Variants in TRIM44 observed in about 807,000 individuals in gnomAD.
TRIM44 encodes tripartite motif-containing protein 44.
In TRIM44, 13 loss-of-function variants were observed where a neutral mutation model predicts 37.4. The ratio of observed to expected loss-of-function variants is 0.35; its 90% confidence interval spans 0.23 to 0.55. TRIM44 has a LOEUF of 0.55. TRIM44 is among the 20% of genes least tolerant of loss of function. The pLI is 0.89. For synonymous variants in TRIM44, 175 were observed against 157.2 expected, an observed-to-expected ratio of 1.11 and a Z score of -0.85; for missense variants, 426 against 437.2, an observed-to-expected ratio of 0.97 and a Z score of 0.23.
At chr11:35,673,450 A>G (rs1184330275) in intron 1 of TRIM44, among the ~76,000 whole-genome samples, 1 of 152,242 alleles carries the variant, frequency 6.6e-6, no homozygotes, top group Admixed American at 6.5e-5. Flanking sequence ...GCATTGTTCT[A>G]GCAATTGAAT....
chr11:35,664,566 C>A (rs1397675746), intron 1 of TRIM44, among the ~76,000 whole-genome samples: 1 of 152,168 alleles, frequency 6.6e-6, no homozygotes, highest in Non-Finnish European at 1.5e-5. Context: ...ATTAAGTAAT[C>A]TGTATTAGTG....
chr11:35,733,789 C>A (rs1852296007), intron 3 of TRIM44, among the ~76,000 whole-genome samples: 1 of 152,160 alleles, frequency 6.6e-6, no homozygotes, highest in South Asian at 2.1e-4. Flanking sequence ...TATACCACCC[C>A]CAGCGCCCTG....
chr11:35,805,529 C>A (rs759294315), intron 4 of TRIM44, among the ~76,000 whole-genome samples: 7 of 152,218 alleles, frequency 4.6e-5, no homozygotes, highest in African/African-American at 7.2e-5. Context: ...TCACTAACAT[C>A]TGGAATAACC....
At chr11:35,729,212 ACAT>A (rs1041856946) in intron 3 of TRIM44, among the ~76,000 whole-genome samples, 33 of 152,296 alleles carry the variant, frequency 2.2e-4, no homozygotes, top group African/African-American at 7.9e-4. Flanking sequence ...CTGGAAGCAA[ACAT>A]CATGAAAAAA....
At chr11:35,668,415 G>C (rs564250138) in intron 1 of TRIM44, among the ~76,000 whole-genome samples, 1 of 152,164 alleles carries the variant, frequency 6.6e-6, no homozygotes, top group South Asian at 2.1e-4. Context: ...CCCACAATGT[G>C]TTCATATGTT....
chr11:35,714,838 G>A (rs117398456), intron 2 of TRIM44, among the ~76,000 whole-genome samples: 147 of 152,250 alleles, frequency 9.7e-4, no homozygotes, highest in Middle Eastern at 3.4e-3. Context: ...TTATGCATAG[G>A]CTAAGGTGTT....
In TRIM44 at chr11:35,813,370, G is replaced by A. The variant is rs913188889; in HGVS notation, c.*6985G>A. ...TGAGAATTAAGAAGTAAGCAAACAA[G>A]GCTTCCAACCAATTGAAATAAATAC... On this transcript the variant is annotated 3_prime_UTR_variant, in exon 5 of 5. Coordinates refer to ENST00000299413, the MANE Select transcript of TRIM44 (RefSeq NM_017583.6). 1.8e-4 allele frequency: 28 copies of A among 152,104 alleles called. No individual in the cohort carries two copies. The highest frequency in any genetic ancestry group is 4.6e-4 in the African/African-American group (19 of 41,422). 9.4% of individuals were successfully genotyped at this position (152,104 alleles called of 1,614,324 possible).
chr11:35,714,324 C>T (rs1029284066), intron 2 of TRIM44, among the ~76,000 whole-genome samples: 1 of 152,104 alleles, frequency 6.6e-6, no homozygotes. Flanking sequence ...AGAAAAATAT[C>T]TATGAGAATG....
intron 4 of TRIM44, among the ~76,000 whole-genome samples, chr11:35,797,586 TA>T (rs1339025712): frequency 6.6e-6 from 1 of 152,234 alleles, no homozygotes; most frequent in African/African-American, 2.4e-5. Flanking sequence ...TGATATGATG[TA>T]ATGATAATGG....
At chr11:35,711,355 C>T (rs1851969222) in intron 2 of TRIM44, among the ~76,000 whole-genome samples, 2 of 152,026 alleles carry the variant, frequency 1.3e-5, no homozygotes, top group South Asian at 4.1e-4. Context: ...TGGCCTCTGA[C>T]AGGAGGAGGC....
At chr11:35,703,238 TAAACA>T (rs1851820684) in intron 2 of TRIM44, among the ~76,000 whole-genome samples, 1 of 151,946 alleles carries the variant, frequency 6.6e-6, no homozygotes, top group Non-Finnish European at 1.5e-5. Flanking sequence ...CTTGGTTAGG[TAAACA>T]AAGCAGCCGG....
chr11:35,742,866 TTGAA>T (rs1313134612), intron 4 of TRIM44, among the ~76,000 whole-genome samples: 1 of 148,426 alleles, frequency 6.7e-6, no homozygotes, highest in African/African-American at 2.5e-5. Flanking sequence ...TATTTCTAAT[TTGAA>T]TGAAAAAACT....
rs1262543352 is a variant in TRIM44 at position 35,808,759 on chromosome 11, C to A, written c.*2374C>A. 6.6e-6 allele frequency: 1 copy of A among 152,250 alleles called. No homozygotes were observed. Among genetic ancestry groups the A allele is most frequent in the African/African-American group, 2.4e-5 (1 of 41,460 alleles). 9.4% of individuals were successfully genotyped at this position (152,250 alleles called of 1,614,324 possible). A position where few individuals can be genotyped will look rare whatever the true frequency, so the allele number is the denominator to read the frequency against. ...GGAAGCATTAAACACAGTGCAGCAG[C>A]TTTTGCCCAGGCTTCTAAGTTCCTG... On this transcript the variant is annotated 3_prime_UTR_variant, in exon 5 of 5. Coordinates refer to ENST00000299413, the MANE Select transcript of TRIM44 (RefSeq NM_017583.6).
chr11:35,686,128 T>C (rs1171957794), intron 2 of TRIM44, among the ~76,000 whole-genome samples: 1 of 151,026 alleles, frequency 6.6e-6, no homozygotes, highest in Non-Finnish European at 1.5e-5. Flanking sequence ...GGTTTAAGTG[T>C]CCCGGCTTTT....
At position 35,663,486 on chromosome 11, in the gene TRIM44, TGAA is replaced by T; in HGVS notation, c.381_383del (p.Glu127del). The T allele has an allele frequency of 1.3e-6, 2 of 1,570,014 alleles. No individual in the cohort carries two copies. The highest frequency in any genetic ancestry group is 1.7e-6 in the Non-Finnish European group (2 of 1,157,566). On this transcript the variant is annotated inframe_deletion, in exon 1 of 5. Coordinates refer to ENST00000299413, the MANE Select transcript of TRIM44 (RefSeq NM_017583.6). Reference sequence around the variant, plus strand: ...GTGAGGATGAGAGCGATGAGGAGAGTGAAGAAGACAGCGAGGAAGAAATGGAGG... The same window carrying T: ...GTGAGGATGAGAGCGATGAGGAGAGTGAAGACAGCGAGGAAGAAATGGAGG...
At chr11:35,678,276 G>T (rs1212368874) in intron 1 of TRIM44, among the ~76,000 whole-genome samples, 2 of 152,148 alleles carry the variant, frequency 1.3e-5, no homozygotes, top group Non-Finnish European at 2.9e-5. Context: ...CGGTATTGCT[G>T]CTTGTACCAG....
At chr11:35,707,043 C>T (rs867309010) in intron 2 of TRIM44, among the ~76,000 whole-genome samples, 3 of 152,264 alleles carry the variant, frequency 2.0e-5, no homozygotes, top group Middle Eastern at 3.4e-3. Flanking sequence ...TCTCCTTAAG[C>T]TGATAAGCAA....
intron 4 of TRIM44, among the ~76,000 whole-genome samples, chr11:35,744,837 T>C (rs1011170739): frequency 9.9e-5 from 15 of 152,202 alleles, no homozygotes; most frequent in Non-Finnish European, 1.9e-4. Flanking sequence ...TTTCTGTTCC[T>C]ATGTTAGTTT....
chr11:35,773,032 T>C (rs973863465), intron 4 of TRIM44, among the ~76,000 whole-genome samples: 1 of 152,120 alleles, frequency 6.6e-6, no homozygotes, highest in African/African-American at 2.4e-5. Context: ...GGAGGTGGTT[T>C]CCCCCATGCT....
Sources: allele counts gnomAD v4.1 joint callset (sites outside exome capture counted in the v4.1 genomes callset), GRCh38; gene constraint gnomAD v4.1.1; transcripts MANE v1.5; gene names NCBI Gene and HGNC (gene_info 2026-07-23, HGNC 2026-07-21).